Variants in LOC128125817 observed in about 807,000 individuals in gnomAD.
the LOC128125817 span, among the ~76,000 whole-genome samples, chr1:41,604,869 C>T: frequency 0.017 from 2,574 of 151,906 alleles, 77 homozygotes; most frequent in African/African-American, 0.059. Context: ...TTTGGGAGGC[C>T]GAGGTGAGTG....
the LOC128125817 span, among the ~76,000 whole-genome samples, chr1:41,609,480 A>G: frequency 7.5e-3 from 1,137 of 152,382 alleles, 9 homozygotes; most frequent in Non-Finnish European, 0.014. Flanking sequence ...GATAATCAGC[A>G]AAGTCCCTGT....
chr1:41,592,229 C>T, the LOC128125817 span, among the ~76,000 whole-genome samples: 5 of 152,152 alleles, frequency 3.3e-5, no homozygotes, highest in South Asian at 2.1e-4. Flanking sequence ...GCCATGGGTC[C>T]GGTAACCTGT....
the LOC128125817 span, among the ~76,000 whole-genome samples, chr1:41,606,511 G>A: frequency 5.3e-5 from 8 of 151,976 alleles, no homozygotes; most frequent in Admixed American, 3.9e-4. Flanking sequence ...AAGCCACTCA[G>A]TATGAATGGA....
At chr1:41,609,107 GAA>G in the LOC128125817 span, among the ~76,000 whole-genome samples, 1 of 152,084 alleles carries the variant, frequency 6.6e-6, no homozygotes, top group Non-Finnish European at 1.5e-5. Context: ...AATTCCTAGG[GAA>G]GAGGTGGAGG....
At chr1:41,600,848 AGTTTTACAGTCT>A in the LOC128125817 span, among the ~76,000 whole-genome samples, 2 of 152,132 alleles carry the variant, frequency 1.3e-5, no homozygotes, top group African/African-American at 4.8e-5. Context: ...TTCTTCTAGG[AGTTTTACAGTCT>A]TAGGTTTTAC....
chr1:41,623,378 GCA>G, the LOC128125817 span, among the ~76,000 whole-genome samples: 1 of 152,204 alleles, frequency 6.6e-6, no homozygotes, highest in Non-Finnish European at 1.5e-5. Flanking sequence ...GGGAGAGAGA[GCA>G]CTAAGCTTAG....
At chr1:41,600,143 T>C in the LOC128125817 span, among the ~76,000 whole-genome samples, 2 of 152,220 alleles carry the variant, frequency 1.3e-5, no homozygotes, top group African/African-American at 2.4e-5. Flanking sequence ...GCAGCCTCTA[T>C]GGAAAACACT....
At chr1:41,595,570 A>C in the LOC128125817 span, among the ~76,000 whole-genome samples, 1 of 152,174 alleles carries the variant, frequency 6.6e-6, no homozygotes, top group Non-Finnish European at 1.5e-5. Context: ...TGCAAGAAAG[A>C]GACTCTAGGT....
chr1:41,601,263 A>G, the LOC128125817 span, among the ~76,000 whole-genome samples: 1 of 152,126 alleles, frequency 6.6e-6, no homozygotes, highest in Non-Finnish European at 1.5e-5. Context: ...AAATCACAGA[A>G]TTGTTTTTTC....
At chr1:41,616,569 CTTTT>C in the LOC128125817 span, among the ~76,000 whole-genome samples, 37 of 127,732 alleles carry the variant, frequency 2.9e-4, no homozygotes, top group East Asian at 8.2e-3. Flanking sequence ...ATAGCAATTA[CTTTT>C]TTTTTTTTTT....
the LOC128125817 span, among the ~76,000 whole-genome samples, chr1:41,623,864 A>G: frequency 6.6e-6 from 1 of 150,858 alleles, no homozygotes; most frequent in Non-Finnish European, 1.5e-5. Flanking sequence ...TCACACCTTG[A>G]CCTGTTGAAT....
At chr1:41,628,788 C>T in the LOC128125817 span, 12 of 1,232,044 alleles carry the variant, frequency 9.7e-6, no homozygotes, top group African/African-American at 1.6e-5. Flanking sequence ...AAAACTGAAA[C>T]GCTGTTCTCT....
the LOC128125817 span, among the ~76,000 whole-genome samples, chr1:41,614,734 C>T: frequency 2.6e-5 from 4 of 152,194 alleles, no homozygotes; most frequent in East Asian, 7.7e-4. Flanking sequence ...CTTAGAAGGC[C>T]CCACATGGTA....
chr1:41,595,810 C>T, the LOC128125817 span, among the ~76,000 whole-genome samples: 2 of 152,194 alleles, frequency 1.3e-5, no homozygotes, highest in Non-Finnish European at 2.9e-5. Context: ...CTTTCTCCTG[C>T]ACTGGATGCT....
the LOC128125817 span, among the ~76,000 whole-genome samples, chr1:41,590,080 A>C: frequency 6.6e-6 from 1 of 152,192 alleles, no homozygotes; most frequent in Non-Finnish European, 1.5e-5. Context: ...TGTGTGTTTA[A>C]GCTGGAGCAG....
At chr1:41,607,663 T>C in the LOC128125817 span, among the ~76,000 whole-genome samples, 4 of 152,352 alleles carry the variant, frequency 2.6e-5, no homozygotes, top group African/African-American at 9.6e-5. Context: ...TGTTTGGTGA[T>C]TTTGGTTATC....
At chr1:41,617,388 G>C in the LOC128125817 span, among the ~76,000 whole-genome samples, 933 of 152,318 alleles carry the variant, frequency 6.1e-3, 5 homozygotes, top group African/African-American at 0.022. Flanking sequence ...CACTGGTTTT[G>C]ATTCTGTCCC....
chr1:41,595,956 G>A, the LOC128125817 span, among the ~76,000 whole-genome samples: 1 of 152,104 alleles, frequency 6.6e-6, no homozygotes, highest in East Asian at 1.9e-4. Flanking sequence ...TCCCCTTTAT[G>A]TATACATCTA....
chr1:41,615,440 A>G, the LOC128125817 span, among the ~76,000 whole-genome samples: 116,784 of 152,152 alleles, frequency 0.77, 45,697 homozygotes, highest in East Asian at 1. Context: ...GCTAGAGGGC[A>G]CTTAAGTGGG....
Sources: allele counts gnomAD v4.1 joint callset (sites outside exome capture counted in the v4.1 genomes callset), GRCh38; gene constraint gnomAD v4.1.1; transcripts MANE v1.5.